UBR3: variants seen among roughly 807,000 people sequenced by gnomAD.
The protein encoded by UBR3 is E3 ubiquitin-protein ligase UBR3.
Under a neutral mutation model 243.2 loss-of-function variants are expected in UBR3, and 85 were observed. The ratio of observed to expected loss-of-function variants is 0.35; its 90% CI spans 0.29 to 0.42. UBR3 has a LOEUF of 0.42. Among genes scored for constraint, UBR3 ranks in the 10% least tolerant of loss-of-function variants. The pLI, the probability that UBR3 is intolerant of heterozygous loss-of-function variation, is 1.00. For synonymous variants in UBR3, 748 were observed against 799.8 expected, an observed-to-expected ratio of 0.94 and a Z score of 1.09; for missense variants, 1,686 against 2,300.8, an observed-to-expected ratio of 0.73 and a Z score of 5.47.
At chr2:169,894,543 A>T (rs1379238434) in intron 6 of UBR3, among the ~76,000 whole-genome samples, 1 of 152,148 alleles carries the variant, frequency 6.6e-6, no homozygotes, top group Non-Finnish European at 1.5e-5. Context: ...CGTTAAAGTT[A>T]TATCTAATAA....
At chr2:169,903,476 CT>C (rs995678251) in intron 8 of UBR3, among the ~76,000 whole-genome samples, 13 of 152,170 alleles carry the variant, frequency 8.5e-5, no homozygotes, top group African/African-American at 3.1e-4. Flanking sequence ...TAAAAAGCCC[CT>C]AGTCCTTACT....
intron 5 of UBR3, among the ~76,000 whole-genome samples, chr2:169,884,156 CTTTTTTT>C (rs757405113): frequency 7.7e-6 from 1 of 130,398 alleles, no homozygotes; most frequent in African/African-American, 2.9e-5. Flanking sequence ...GGAGAGCTGA[CTTTTTTT>C]TTTTTTTTTT....
At chr2:169,986,155 A>G (rs934604674) in intron 24 of UBR3, among the ~76,000 whole-genome samples, 3 of 152,274 alleles carry the variant, frequency 2.0e-5, no homozygotes, top group Admixed American at 1.3e-4. Context: ...GATAGCTACT[A>G]TTTCTGAGAT....
intron 6 of UBR3, 78 bp downstream of exon 6, chr2:169,891,309 G>T (rs964727443): frequency 1.8e-6 from 2 of 1,085,460 alleles, no homozygotes; most frequent in Admixed American, 4.1e-5. Flanking sequence ...ATACTTGATG[G>T]GCTAGCCATA....
In UBR3 at chr2:169,878,481, A is replaced by G. The variant is rs1230530720; in HGVS notation, c.989-44A>G. ...CAGAATAATTTGAAAATAAAGCAATATGTAGCAACTATGAAGGACAACTAT... is the reference window on the plus strand; with the variant it reads ...CAGAATAATTTGAAAATAAAGCAATGTGTAGCAACTATGAAGGACAACTAT... On this transcript the variant is annotated intron_variant, in intron 4 of 38. Coordinates refer to ENST00000272793, the MANE Select transcript of UBR3 (RefSeq NM_172070.4). 5 of 1,514,110 alleles carry G rather than the reference A, an allele frequency of 3.3e-6. No homozygotes were observed. In the East Asian group the frequency reaches 7.4e-5, roughly 22 times the overall value. The allele number at this position is 1,514,110 out of a possible 1,614,324, so 93.8% of individuals were successfully genotyped here.
rs999499468 is a variant in UBR3 at position 170,083,465 on chromosome 2, T to A, written c.*1622T>A. 3.9e-5 allele frequency: 6 copies of A among 152,746 alleles called. No individual in the cohort carries two copies. Among genetic ancestry groups the A allele is most frequent in the South Asian group, 4.1e-4 (2 of 4,828 alleles). The allele number at this position is 152,746 out of a possible 1,614,324, so 9.5% of individuals were successfully genotyped here. ...CCTTTCCAACACATTGCTACTTTTT[T>A]AAATACTGTATCATAAGTTCAGCCT... On this transcript the variant is annotated 3_prime_UTR_variant, in exon 39 of 39. Transcript: ENST00000272793.
chr2:169,996,998 C>A (rs1013807944), intron 26 of UBR3, among the ~76,000 whole-genome samples: 1 of 151,814 alleles, frequency 6.6e-6, no homozygotes, highest in African/African-American at 2.4e-5. Context: ...CATGCCCGGC[C>A]TGCTTTGGAT....
intron 4 of UBR3, among the ~76,000 whole-genome samples, 168 bp from the exon 5 acceptor site, chr2:169,878,357 G>A (rs1464142437): frequency 8.5e-5 from 10 of 117,712 alleles, no homozygotes; most frequent in Non-Finnish European, 1.8e-4. Context: ...CGAGAATCCC[G>A]TCTCAAAAAA....
At position 169,986,779 on chromosome 2, in the gene UBR3, T is replaced by C. The variant is rs2089023594; in HGVS notation, c.3769T>C (p.Leu1257=). Residue 1257 remains leucine (L), a synonymous_variant, in exon 25 of 39, where the codon TTA becomes CTA. Transcript: ENST00000272793. ...EDRPTGLVVL[L]QASSVLGQCR... ...TCGACCTACTGGATTAGTTGTACTG[T>C]TACAAGCATCCTCAGGTAAAATCAA... is the stretch of plus-strand genomic sequence containing the variant. The C allele has an allele frequency of 1.9e-6, 3 of 1,614,008 alleles. No homozygotes were observed. The highest frequency in any genetic ancestry group is 2.5e-6 in the Non-Finnish European group (3 of 1,179,966).
intron 32 of UBR3, among the ~76,000 whole-genome samples, chr2:170,048,680 T>A (rs1425661930): frequency 6.6e-6 from 1 of 152,214 alleles, no homozygotes; most frequent in African/African-American, 2.4e-5. Context: ...AAGTTGACAC[T>A]GGCAATTTGG....
chr2:169,983,021 C>T (rs2088812703), intron 24 of UBR3, among the ~76,000 whole-genome samples: 1 of 152,062 alleles, frequency 6.6e-6, no homozygotes, highest in Non-Finnish European at 1.5e-5. Flanking sequence ...TCCATTTGGT[C>T]TCTCCTCCTC....
chr2:169,885,628 C>T (rs2084062778), intron 5 of UBR3, among the ~76,000 whole-genome samples: 3 of 151,944 alleles, frequency 2.0e-5, no homozygotes, highest in South Asian at 2.1e-4. Flanking sequence ...TTTAGCCCTA[C>T]CATCCAAAGA....
chr2:170,042,053 CATTA>C (rs1469237484), intron 32 of UBR3, among the ~76,000 whole-genome samples: 2 of 152,100 alleles, frequency 1.3e-5, no homozygotes, highest in African/African-American at 4.8e-5. Context: ...CCATTCACAC[CATTA>C]GTTAGTTCCA....
intron 25 of UBR3, among the ~76,000 whole-genome samples, chr2:169,993,386 T>G (rs2089359549): frequency 6.6e-6 from 1 of 152,228 alleles, no homozygotes. Flanking sequence ...AGCAGATATT[T>G]CTTGATCCAC....
chr2:170,002,408 A>G (rs913045068), intron 27 of UBR3, among the ~76,000 whole-genome samples: 2 of 152,170 alleles, frequency 1.3e-5, no homozygotes, highest in African/African-American at 2.4e-5. Flanking sequence ...CTCAGCAGCT[A>G]TTCCAAACCT....
At chr2:169,912,488 C>T (rs1344263770) in intron 10 of UBR3, among the ~76,000 whole-genome samples, 1 of 152,116 alleles carries the variant, frequency 6.6e-6, no homozygotes, top group Non-Finnish European at 1.5e-5. Context: ...TGACTTCTTT[C>T]ACTCAATGTA....
chr2:170,021,621 C>G (rs140412215), intron 30 of UBR3, among the ~76,000 whole-genome samples: 14 of 152,208 alleles, frequency 9.2e-5, no homozygotes, highest in African/African-American at 3.1e-4. Context: ...AACATTCAGT[C>G]CATTGCAGTT....
At chr2:169,920,718 T>A (rs73015738) in intron 11 of UBR3, among the ~76,000 whole-genome samples, 8 of 152,170 alleles carry the variant, frequency 5.3e-5, no homozygotes, top group Non-Finnish European at 1.2e-4. Context: ...TGTCTCTGAA[T>A]CCTAGTTCAA....
chr2:169,892,980 TAA>T (rs1168243433), intron 6 of UBR3, among the ~76,000 whole-genome samples: 4 of 152,246 alleles, frequency 2.6e-5, no homozygotes, highest in Non-Finnish European at 5.9e-5. Flanking sequence ...AATGATTCTT[TAA>T]AAATCTCTTT....
Sources: allele counts gnomAD v4.1 joint callset (sites outside exome capture counted in the v4.1 genomes callset), GRCh38; gene constraint gnomAD v4.1.1; transcripts MANE v1.5; gene names NCBI Gene and HGNC (gene_info 2026-07-23, HGNC 2026-07-21).